DPYD: variants seen among roughly 807,000 people sequenced by gnomAD.
DPYD encodes dihydropyrimidine dehydrogenase, also known as dihydropyrimidine dehydrogenase [NADP(+)].
Under a neutral mutation model 116.2 loss-of-function variants are expected in DPYD, and 109 were observed. That is an observed-to-expected ratio of 0.94 (90% CI 0.80 to 1.10). The LOEUF (loss-of-function observed/expected upper bound fraction) is 1.10. Ranked by LOEUF, DPYD falls within the 50% of genes least tolerant of loss-of-function variation. The pLI is 0.00. For missense variants in DPYD, 1,302 were observed against 1,254.5 expected, an observed-to-expected ratio of 1.04 and a Z score of -0.57; for synonymous variants, 440 against 432.0, an observed-to-expected ratio of 1.02 and a Z score of -0.23.
chr1:97,718,475 T>C (rs921330304), intron 5 of DPYD, among the ~76,000 whole-genome samples: 16 of 152,004 alleles, frequency 1.1e-4, no homozygotes, highest in South Asian at 2.1e-4. Context: ...TTTTGTGAAA[T>C]AAATTTTATA....
intron 14 of DPYD, among the ~76,000 whole-genome samples, chr1:97,393,813 G>T (rs35767735): frequency 0.17 from 26,137 of 152,056 alleles, 2,888 homozygotes; most frequent in Non-Finnish European, 0.25. Flanking sequence ...ACTCAGTAAT[G>T]GGATCACTGG....
intron 3 of DPYD, among the ~76,000 whole-genome samples, chr1:97,750,267 A>T (rs1006544176): frequency 2.0e-5 from 3 of 152,052 alleles, no homozygotes; most frequent in Admixed American, 1.3e-4. Flanking sequence ...GTACCCTAGA[A>T]CTTAAGATAA....
intron 1 of DPYD, among the ~76,000 whole-genome samples, chr1:97,912,350 TAA>T (rs1180905371): frequency 2.6e-5 from 4 of 152,234 alleles, no homozygotes; most frequent in South Asian, 2.1e-4. Context: ...TGTATGATAA[TAA>T]GAGAGAGGCT....
At chr1:97,763,070 C>T (rs1468065740) in intron 3 of DPYD, among the ~76,000 whole-genome samples, 1 of 152,018 alleles carries the variant, frequency 6.6e-6, no homozygotes, top group Non-Finnish European at 1.5e-5. Flanking sequence ...CATTAACACC[C>T]AGCATGAAAG....
At chr1:97,163,538 C>G (rs561630648) in intron 20 of DPYD, among the ~76,000 whole-genome samples, 15 of 152,230 alleles carry the variant, frequency 9.9e-5, no homozygotes, top group Non-Finnish European at 2.2e-4. Context: ...GTTTTTGTCT[C>G]AGTTCTGGAG....
chr1:97,356,980 G>A (rs771033520), intron 16 of DPYD, among the ~76,000 whole-genome samples: 16 of 151,978 alleles, frequency 1.1e-4, no homozygotes, highest in Admixed American at 2.6e-4. Flanking sequence ...CTTTTTGCTC[G>A]GACTGACTTG....
At chr1:97,473,801 GT>G (rs1677791863) in intron 13 of DPYD, among the ~76,000 whole-genome samples, 1 of 152,116 alleles carries the variant, frequency 6.6e-6, no homozygotes, top group South Asian at 2.1e-4. Context: ...GAGCCCAGTA[GT>G]TTGAGACCAG....
At position 97,511,688 on chromosome 1, in the gene DPYD, T is replaced by C. The variant is rs564818163; in HGVS notation, c.1740+4038A>G. 2.0e-4 allele frequency among the ~76,000 whole-genome samples: 30 copies of C among 152,034 alleles called. 1 individual carries two copies. The South Asian group carries it at 6.2e-3, about 31-fold the overall frequency. On this transcript the variant is annotated intron_variant, in intron 13 of 22. Coordinates refer to ENST00000370192, the MANE Select transcript of DPYD (RefSeq NM_000110.4). ...ACAGATCTTTCTACAGTCATACAGG[T>C]TATATTGCCTTAAAGATGTAGTATA...
chr1:97,881,882 A>T (rs529265876), intron 2 of DPYD, among the ~76,000 whole-genome samples: 1 of 151,916 alleles, frequency 6.6e-6, no homozygotes, highest in Non-Finnish European at 1.5e-5. Flanking sequence ...GTGGAGGGAT[A>T]GCATTAGGAG....
intron 7 of DPYD, chr1:97,691,208 T>C (rs577737026): frequency 4.6e-4 from 71 of 153,654 alleles, no homozygotes; most frequent in South Asian, 1.0e-3. Flanking sequence ...ACACAATATT[T>C]ATTTAACAAA....
intron 4 of DPYD, among the ~76,000 whole-genome samples, chr1:97,727,760 C>A (rs1370616133): frequency 1.3e-5 from 2 of 151,792 alleles, no homozygotes; most frequent in Non-Finnish European, 3.0e-5. Context: ...CACTCAGAAA[C>A]CTATTAGGAG....
At chr1:97,422,967 T>C (rs1043611610) in intron 14 of DPYD, among the ~76,000 whole-genome samples, 2 of 152,076 alleles carry the variant, frequency 1.3e-5, no homozygotes, top group African/African-American at 2.4e-5. Flanking sequence ...GAATCTGTTT[T>C]GGGTGAACAA....
At chr1:97,319,168 A>G (rs2101093060) in intron 16 of DPYD, among the ~76,000 whole-genome samples, 1 of 143,356 alleles carries the variant, frequency 7.0e-6, no homozygotes, top group East Asian at 2.0e-4. Flanking sequence ...CACAATTAAA[A>G]GAACTAGAAA....
At chr1:97,832,691 A>T (rs1669594772) in intron 2 of DPYD, among the ~76,000 whole-genome samples, 1 of 152,304 alleles carries the variant, frequency 6.6e-6, no homozygotes, top group Admixed American at 6.5e-5. Flanking sequence ...AGCATCAAAA[A>T]GAACTGGTTT....
At chr1:97,283,110 G>T (rs71656179) in intron 18 of DPYD, among the ~76,000 whole-genome samples, 1 of 151,868 alleles carries the variant, frequency 6.6e-6, no homozygotes. Flanking sequence ...GTTTAATTTA[G>T]TACAATTGTT....
At chr1:97,171,215 C>G (rs1448145226) in intron 20 of DPYD, among the ~76,000 whole-genome samples, 1 of 152,140 alleles carries the variant, frequency 6.6e-6, no homozygotes. Context: ...CCCACGATGG[C>G]AATGTGGCTT....
intron 12 of DPYD, among the ~76,000 whole-genome samples, chr1:97,525,517 A>C (rs912507581): frequency 9.2e-5 from 14 of 152,136 alleles, no homozygotes; most frequent in African/African-American, 3.4e-4. Context: ...GATACTCAAC[A>C]TATTTACTGA....
intron 13 of DPYD, among the ~76,000 whole-genome samples, chr1:97,474,824 TA>T (rs549153323): frequency 1.6e-3 from 236 of 152,136 alleles, no homozygotes; most frequent in Admixed American, 2.4e-3. Context: ...AACTTTTATA[TA>T]GAATTCTATA....
At chr1:97,561,035 T>C (rs188768655) in intron 11 of DPYD, among the ~76,000 whole-genome samples, 6 of 152,192 alleles carry the variant, frequency 3.9e-5, no homozygotes, top group African/African-American at 1.2e-4. Context: ...GTCTGAGAAA[T>C]AGGCAGGGGC....
Sources: gnomAD v4.1 joint callset for allele counts (sites outside exome capture counted in the v4.1 genomes callset) on GRCh38, gnomAD v4.1.1 for gene constraint, MANE v1.5 for transcripts, NCBI Gene and HGNC (gene_info 2026-07-23, HGNC 2026-07-21) for gene names.